DOCK1: variants seen among roughly 807,000 people sequenced by gnomAD.
DOCK1 encodes the protein dedicator of cytokinesis 1.
In DOCK1, 138 loss-of-function variants were observed where a neutral mutation model predicts 262.7. That is an observed-to-expected ratio of 0.53 (90% CI 0.46 to 0.61). The LOEUF (loss-of-function observed/expected upper bound fraction) is 0.61, where lower values mean the gene tolerates loss of function less well. Among genes scored for constraint, DOCK1 ranks in the 20% least tolerant of loss-of-function variants. The pLI is 0.00. For synonymous variants in DOCK1, 866 were observed against 867.4 expected (o/e 1.00, Z 0.03); for missense variants, 1,908 against 2,370.7 (o/e 0.80, Z 4.05).
intron 29 of DOCK1, among the ~76,000 whole-genome samples, chr10:127,334,398 T>A (rs996520062): frequency 1.3e-5 from 2 of 152,246 alleles, no homozygotes; most frequent in Non-Finnish European, 2.9e-5. Context: ...ACTGGTTTGT[T>A]GTTGCTTTAA....
chr10:127,364,101 G>T (rs189317205), intron 33 of DOCK1, among the ~76,000 whole-genome samples: 1 of 152,204 alleles, frequency 6.6e-6, no homozygotes, highest in Non-Finnish European at 1.5e-5. Context: ...GAGTGCAGGG[G>T]GCAGCCTGCA....
At chr10:126,941,108 A>G (rs963283248) in intron 1 of DOCK1, among the ~76,000 whole-genome samples, 1 of 152,146 alleles carries the variant, frequency 6.6e-6, no homozygotes, top group Non-Finnish European at 1.5e-5. Context: ...GGAGGATGAC[A>G]TTCTTCATAA....
At chr10:127,108,702 C>T (rs867464699) in intron 24 of DOCK1, among the ~76,000 whole-genome samples, 1 of 152,234 alleles carries the variant, frequency 6.6e-6, no homozygotes, top group Non-Finnish European at 1.5e-5. Context: ...AACTTTCATG[C>T]CGATCCATCC....
chr10:127,176,519 T>TATAACATA lies in DOCK1; in HGVS notation c.2847+48755_2847+48756insATAACATA, dbSNP rs2055178077. On this transcript the variant is annotated intron_variant, in intron 27 of 51. Transcript: ENST00000623213. The surrounding 1 kb of genome is among the most constrained non-coding windows in gnomAD (Gnocchi z 4.4). ...TGTTTCCTAATTATATTTAAGCAGG[T>TATAACATA]GAGGTCGGCCTTTATGTTAAGGAAA... The TATAACATA allele has an allele frequency of 1.2e-6, 1 of 823,558 alleles. No individual in the cohort carries two copies. Among genetic ancestry groups the TATAACATA allele is most frequent in the East Asian group, 2.6e-5 (1 of 37,912 alleles). 51.0% of individuals were successfully genotyped at this position (823,558 alleles called of 1,614,324 possible). A position where few individuals can be genotyped will look rare whatever the true frequency, so the allele number is the denominator to read the frequency against.
intron 18 of DOCK1, among the ~76,000 whole-genome samples, chr10:127,037,376 C>T (rs1380373939): frequency 6.6e-6 from 1 of 152,226 alleles, no homozygotes; most frequent in Non-Finnish European, 1.5e-5. Context: ...GCCTGGGCAG[C>T]GCTTTCTGGG....
At chr10:126,909,600 CA>C (rs1284631211) in intron 1 of DOCK1, among the ~76,000 whole-genome samples, 3 of 152,152 alleles carry the variant, frequency 2.0e-5, no homozygotes, top group Non-Finnish European at 4.4e-5. Flanking sequence ...GTGCAGCTCT[CA>C]AATGGGATGG....
chr10:127,100,119 G>T lies in DOCK1; in HGVS notation c.2446-6112G>T, dbSNP rs1020180657. On this transcript the variant is annotated intron_variant, in intron 23 of 51. Coordinates refer to ENST00000623213, the MANE Select transcript of DOCK1 (RefSeq NM_001290223.2). The surrounding 1 kb of genome is among the most constrained non-coding windows in gnomAD (Gnocchi z 5.5). Reference sequence around the variant, plus strand: ...GGTTCCCTGTGTCCCATGAGCAGGGGACGTTGCCACAGTATCTAAATTCCA... The same window carrying T: ...GGTTCCCTGTGTCCCATGAGCAGGGTACGTTGCCACAGTATCTAAATTCCA... Among the ~76,000 whole-genome samples, 5 of 152,188 alleles carry T rather than the reference G, an allele frequency of 3.3e-5. No individual in the cohort carries two copies. Among genetic ancestry groups the T allele is most frequent in the Non-Finnish European group, 7.3e-5 (5 of 68,034 alleles).
chr10:127,028,381 C>T (rs554120743), intron 16 of DOCK1, among the ~76,000 whole-genome samples: 1 of 152,208 alleles, frequency 6.6e-6, no homozygotes, highest in Non-Finnish European at 1.5e-5. Context: ...ATGCTCTTAT[C>T]ATGTGCCCGA....
chr10:127,008,802 G>T lies in DOCK1; in HGVS notation c.1056G>T (p.Gln352His). The change falls in exon 11 of 52, where the codon CAG becomes CAT. Residue 352 changes from glutamine to histidine, a missense_variant and splice_region_variant. This residue lies in a region of DOCK1 where 102 missense variants were observed against 154.9 expected (regional missense o/e 0.66). Transcript: ENST00000623213. ...DEDKQHFIPF[Q>H]PLALDDAIRH... ...ATAAGCAGCATTTCATTCCCTTTCA[G>T]CCGTAAGTATGGAGCAATTCAAGTA... 1 of 1,597,904 alleles carries T rather than the reference G, an allele frequency of 6.3e-7. No individual in the cohort carries two copies. The highest frequency in any genetic ancestry group is 1.1e-5 in the South Asian group (1 of 87,892).
intron 27 of DOCK1, among the ~76,000 whole-genome samples, chr10:127,247,739 T>C (rs560049255): frequency 5.3e-5 from 8 of 152,192 alleles, no homozygotes; most frequent in Non-Finnish European, 1.2e-4. Flanking sequence ...GTCCTCAGCA[T>C]TGTGAGACCC....
intron 29 of DOCK1, among the ~76,000 whole-genome samples, chr10:127,320,299 A>G (rs2062461241): frequency 6.6e-6 from 1 of 152,160 alleles, no homozygotes; most frequent in Admixed American, 6.5e-5. Flanking sequence ...GCTGGTTTAA[A>G]AATCTATTTC....
At chr10:127,032,350 C>T (rs377316753) in intron 18 of DOCK1, 30 bp downstream of exon 18, 21 of 1,478,240 alleles carry the variant, frequency 1.4e-5, no homozygotes, top group Non-Finnish European at 1.9e-5. Context: ...CACACTCACC[C>T]CAGGAGCTCT....
At chr10:127,023,521 A>G (rs1467770205) in intron 14 of DOCK1, among the ~76,000 whole-genome samples, 197 bp downstream of exon 14, 2 of 143,218 alleles carry the variant, frequency 1.4e-5, no homozygotes, top group East Asian at 2.0e-4. Flanking sequence ...CAGCTGGCCT[A>G]TCTCAGGAGG....
intron 22 of DOCK1, among the ~76,000 whole-genome samples, chr10:127,056,343 T>C (rs1364175266): frequency 6.6e-6 from 1 of 152,126 alleles, no homozygotes; most frequent in Non-Finnish European, 1.5e-5. Flanking sequence ...TAACTAGGAC[T>C]ACAGGCAGGT....
Position 127,419,687 on chromosome 10 carries a change from C to A in DOCK1, c.4714C>A (p.Leu1572Met). The A allele has an allele frequency of 6.2e-7, 1 of 1,605,872 alleles. No individual in the cohort carries two copies. The highest frequency in any genetic ancestry group is 8.5e-7 in the Non-Finnish European group (1 of 1,176,028). Residue 1572 changes from leucine to methionine, a missense_variant, in exon 46 of 52, where the codon CTG (leucine) becomes ATG (methionine). Leu to Met is a conservative substitution (Grantham distance 15, BLOSUM62 2). Around this residue, in one of 9 missense-constraint regions of DOCK1, gnomAD observed 383 missense variants for 420.1 expected, o/e 0.91. Coordinates refer to ENST00000623213, the MANE Select transcript of DOCK1 (RefSeq NM_001290223.2). Reference sequence around the variant, plus strand: ...CCAGGCCTTCTTTACAGACCGGTACCTGCAGGAGCACCCTGAGGCCCATGA... The same window carrying A: ...CCAGGCCTTCTTTACAGACCGGTACATGCAGGAGCACCCTGAGGCCCATGA... ...YEKAFFTDRY[L>M]QEHPEAHEKI...
intron 23 of DOCK1, among the ~76,000 whole-genome samples, chr10:127,084,759 C>T (rs780776995): frequency 2.0e-5 from 3 of 152,168 alleles, no homozygotes; most frequent in Non-Finnish European, 4.4e-5. Context: ...GTCCTCCACC[C>T]ACCAAGGCAC....
chr10:127,225,122 C>T (rs2058588011), intron 27 of DOCK1, among the ~76,000 whole-genome samples: 2 of 152,090 alleles, frequency 1.3e-5, no homozygotes, highest in African/African-American at 4.8e-5. Context: ...GTTTGGAGGT[C>T]TTATGTTGTT....
intron 33 of DOCK1, among the ~76,000 whole-genome samples, chr10:127,363,148 C>T (rs1718376627): frequency 6.6e-6 from 1 of 151,528 alleles, no homozygotes. Context: ...GGCCATGATG[C>T]TTTGCAGGAG....
chr10:127,336,782 A>T (rs543291828), intron 29 of DOCK1, among the ~76,000 whole-genome samples: 3 of 151,886 alleles, frequency 2.0e-5, no homozygotes, highest in Non-Finnish European at 4.4e-5. Context: ...CTCGTGATTC[A>T]CCCACCTTGG....
Sources: gnomAD v4.1 joint callset for allele counts (sites outside exome capture counted in the v4.1 genomes callset) on GRCh38, gnomAD v4.1.1 for gene constraint, gnomAD v4.1.1 regional missense constraint, Gnocchi (gnomAD v3.1) non-coding constraint, MANE v1.5 for transcripts, NCBI Gene and HGNC (gene_info 2026-07-23, HGNC 2026-07-21) for gene names.